Variants in FTO observed in about 807,000 individuals in gnomAD.
FTO encodes alpha-ketoglutarate-dependent dioxygenase FTO.
A neutral mutation model predicts 63.9 loss-of-function variants in FTO; 47 were observed. The observed-to-expected ratio is 0.74, with a 90% CI of 0.58 to 0.94. The LOEUF (loss-of-function observed/expected upper bound fraction) is 0.94, where lower values mean the gene tolerates loss of function less well. FTO is among the 40% of genes least tolerant of loss of function. FTO has a pLI of 0.00. For synonymous variants in FTO, 207 were observed against 224.4 expected, an observed-to-expected ratio of 0.92 and a Z score of 0.69; for missense variants, 562 against 618.1, an observed-to-expected ratio of 0.91 and a Z score of 0.96.
At chr16:54,019,492 AT>A in intron 8 of FTO, among the ~76,000 whole-genome samples, 1 of 152,214 alleles carries the variant, frequency 6.6e-6, no homozygotes, top group Admixed American at 6.5e-5. Context: ...AGTTGTTGGC[AT>A]ATCTACCAAG....
intron 1 of FTO, among the ~76,000 whole-genome samples, chr16:53,725,917 C>T (rs2076141875): frequency 6.6e-6 from 1 of 152,160 alleles, no homozygotes; most frequent in African/African-American, 2.4e-5. Context: ...GAAGACCTGT[C>T]CAACTTAATT....
chr16:54,049,922 A>G (rs1286800289), intron 8 of FTO, among the ~76,000 whole-genome samples: 1 of 152,238 alleles, frequency 6.6e-6, no homozygotes, highest in Non-Finnish European at 1.5e-5. Flanking sequence ...AAACGGATCC[A>G]CGTCTGGCCA....
intron 1 of FTO, among the ~76,000 whole-genome samples, chr16:53,750,482 G>T (rs1385243868): frequency 6.6e-6 from 1 of 152,046 alleles, no homozygotes; most frequent in Non-Finnish European, 1.5e-5. Context: ...CAGGTCATCT[G>T]CCCTCCTTGG....
chr16:53,943,735 T>C (rs1404903115), intron 8 of FTO, among the ~76,000 whole-genome samples: 2 of 152,240 alleles, frequency 1.3e-5, no homozygotes, highest in Non-Finnish European at 2.9e-5. Context: ...GAGATAAAGA[T>C]ACACAGTTCT....
chr16:53,783,604 T>TAAAAAA (rs753810468), intron 1 of FTO, among the ~76,000 whole-genome samples: 2 of 68,110 alleles, frequency 2.9e-5, no homozygotes, highest in Admixed American at 2.1e-4. Context: ...CAAGACTCCA[T>TAAAAAA]AAAAAAAAAA....
At chr16:54,094,316 G>A (rs1485761030) in intron 8 of FTO, among the ~76,000 whole-genome samples, 2 of 152,150 alleles carry the variant, frequency 1.3e-5, no homozygotes, top group Non-Finnish European at 2.9e-5. Flanking sequence ...CTTCTTTTCC[G>A]AGGCTCCAGT....
At chr16:53,985,708 A>G (rs1180598427) in intron 8 of FTO, among the ~76,000 whole-genome samples, 1 of 152,202 alleles carries the variant, frequency 6.6e-6, no homozygotes, top group Non-Finnish European at 1.5e-5. Context: ...ATCCGCTGTC[A>G]GTTCTCCACC....
intron 8 of FTO, among the ~76,000 whole-genome samples, chr16:53,943,020 G>A (rs548916944): frequency 6.6e-6 from 1 of 152,232 alleles, no homozygotes; most frequent in African/African-American, 2.4e-5. Context: ...GTTGCCATCC[G>A]GGTCTTTTTT....
intron 8 of FTO, among the ~76,000 whole-genome samples, chr16:54,017,814 G>A (rs2084488704): frequency 6.6e-6 from 1 of 152,078 alleles, no homozygotes; most frequent in Non-Finnish European, 1.5e-5. Flanking sequence ...CCCCAGGCTA[G>A]CCCAGTCTCC....
At chr16:54,009,119 C>T (rs1246773307) in intron 8 of FTO, among the ~76,000 whole-genome samples, 1 of 152,012 alleles carries the variant, frequency 6.6e-6, no homozygotes. Flanking sequence ...ATCCTGAACT[C>T]GGCATAGCAC....
intron 7 of FTO, among the ~76,000 whole-genome samples, chr16:53,930,137 C>T (rs542425196): frequency 6.6e-6 from 1 of 151,338 alleles, no homozygotes; most frequent in East Asian, 1.9e-4. Flanking sequence ...ATGCTTTAGT[C>T]TCAGAGCCCT....
chr16:53,985,650 CA>C (rs2083649420), intron 8 of FTO, among the ~76,000 whole-genome samples: 1 of 152,190 alleles, frequency 6.6e-6, no homozygotes, highest in Non-Finnish European at 1.5e-5. Flanking sequence ...AAATGAACGC[CA>C]AGGTTGACAC....
At chr16:53,897,991 T>C (rs79195386) in intron 7 of FTO, among the ~76,000 whole-genome samples, 18,194 of 152,218 alleles carry the variant, frequency 0.12, 1,188 homozygotes, top group Middle Eastern at 0.16. Context: ...ACCACCTTGG[T>C]AAAAACTACC....
intron 7 of FTO, among the ~76,000 whole-genome samples, chr16:53,907,584 A>G (rs148869368): frequency 5.9e-5 from 9 of 152,318 alleles, no homozygotes; most frequent in Middle Eastern, 3.4e-3. Context: ...ACAAACCATC[A>G]TAAGTCAAAC....
At chr16:53,964,856 A>G (rs2083161353) in intron 8 of FTO, among the ~76,000 whole-genome samples, 1 of 152,214 alleles carries the variant, frequency 6.6e-6, no homozygotes, top group Admixed American at 6.5e-5. Flanking sequence ...AATAGTATGA[A>G]GATTTCATTT....
intron 7 of FTO, among the ~76,000 whole-genome samples, chr16:53,928,672 ACTT>A (rs1048450690): frequency 4.6e-5 from 7 of 152,138 alleles, no homozygotes; most frequent in Non-Finnish European, 8.8e-5. Flanking sequence ...TATTTTTACT[ACTT>A]ATTTGCTAGA....
intron 8 of FTO, among the ~76,000 whole-genome samples, chr16:53,962,603 C>G (rs898683178): frequency 5.3e-5 from 8 of 152,166 alleles, no homozygotes; most frequent in Non-Finnish European, 7.3e-5. Context: ...AATGATGCGT[C>G]CTGCATAAGT....
intron 8 of FTO, among the ~76,000 whole-genome samples, chr16:54,088,730 G>T (rs1192546054): frequency 6.6e-6 from 1 of 152,156 alleles, no homozygotes; most frequent in Non-Finnish European, 1.5e-5. Flanking sequence ...CATCATTATG[G>T]CAAGTTTCTT....
At chr16:53,774,554 A>G (rs2077418841) in intron 1 of FTO, among the ~76,000 whole-genome samples, 1 of 152,132 alleles carries the variant, frequency 6.6e-6, no homozygotes, top group Admixed American at 6.6e-5. Flanking sequence ...CCATTCTTTT[A>G]ACTGTGTATC....
Sources: gnomAD v4.1 joint callset for allele counts (sites outside exome capture counted in the v4.1 genomes callset) on GRCh38, gnomAD v4.1.1 for gene constraint, MANE v1.5 for transcripts, NCBI Gene and HGNC (gene_info 2026-07-23, HGNC 2026-07-21) for gene names.